Variants in AGBL4 observed in about 807,000 individuals in gnomAD.
The protein encoded by AGBL4 is cytosolic carboxypeptidase 6.
AGBL4 carries 58 observed loss-of-function variants against 66.4 expected under a neutral mutation model. The observed-to-expected ratio is 0.87, with a 90% CI of 0.71 to 1.09. AGBL4 has a LOEUF of 1.09. Among genes scored for constraint, AGBL4 ranks in the 50% least tolerant of loss-of-function variants. AGBL4 has a pLI of 0.00. For synonymous variants in AGBL4, 234 were observed against 222.9 expected, an observed-to-expected ratio of 1.05 and a Z score of -0.44; for missense variants, 579 against 631.0, an observed-to-expected ratio of 0.92 and a Z score of 0.88.
At chr1:48,754,490 A>G (rs1557949541) in intron 6 of AGBL4, among the ~76,000 whole-genome samples, 1 of 152,210 alleles carries the variant, frequency 6.6e-6, no homozygotes, top group Non-Finnish European at 1.5e-5. Context: ...ATACATAGAA[A>G]AACATCTGTA....
chr1:49,947,901 G>A (rs1484207579), intron 1 of AGBL4, among the ~76,000 whole-genome samples: 9 of 94,032 alleles, frequency 9.6e-5, no homozygotes, highest in South Asian at 3.2e-4. Context: ...CACCAACAGC[G>A]ACCAAGCTGA....
chr1:50,014,260 ACT>A (rs1661768044), intron 1 of AGBL4, among the ~76,000 whole-genome samples: 1 of 151,964 alleles, frequency 6.6e-6, no homozygotes, highest in Non-Finnish European at 1.5e-5. Context: ...AGTCCCAGCT[ACT>A]TGGGAGGCTG....
rs1388778544 is a variant in AGBL4, at chr1:50,023,685, TGCCC to T, written c.34+74_34+77del. ...GACCGCCTCCTCAGGAGTAGGACCATGCCCGAGTCCCCTGTTGCCTGAGACCCAG... is the reference window on the plus strand; with the variant it reads ...GACCGCCTCCTCAGGAGTAGGACCATGAGTCCCCTGTTGCCTGAGACCCAG... On this transcript the variant is annotated intron_variant, in intron 1 of 13. Transcript: ENST00000371839. 1.3e-5 allele frequency: 20 copies of T among 1,484,464 alleles called. No individual in the cohort carries two copies. The Admixed American group carries it at 2.0e-4, about 15-fold the overall frequency. 92.0% of individuals were successfully genotyped at this position (1,484,464 alleles called of 1,614,324 possible). A position where few individuals can be genotyped will look rare whatever the true frequency, so the allele number is the denominator to read the frequency against.
intron 1 of AGBL4, among the ~76,000 whole-genome samples, chr1:49,938,107 A>G (rs1478465258): frequency 1.3e-5 from 2 of 150,166 alleles, no homozygotes; most frequent in Admixed American, 6.7e-5. Flanking sequence ...AGCAAGACTA[A>G]TAAAGAAGAA....
intron 4 of AGBL4, among the ~76,000 whole-genome samples, chr1:49,194,088 G>T (rs374075121): frequency 6.6e-6 from 1 of 152,042 alleles, no homozygotes; most frequent in African/African-American, 2.4e-5. Context: ...TGTCTCAATG[G>T]TCTGTTTATT....
intron 4 of AGBL4, among the ~76,000 whole-genome samples, chr1:49,156,288 T>C: frequency 6.6e-6 from 1 of 152,140 alleles, no homozygotes. Context: ...GAGTCAAAGC[T>C]CTGAGAAAGA....
intron 11 of AGBL4, chr1:48,583,948 T>C (rs1211707103): frequency 6.6e-6 from 1 of 151,986 alleles, no homozygotes; most frequent in East Asian, 1.9e-4. Context: ...GCAGTTTGTT[T>C]CCTCTTCTCA....
At chr1:48,866,656 A>G (rs955309939) in intron 6 of AGBL4, among the ~76,000 whole-genome samples, 3 of 152,170 alleles carry the variant, frequency 2.0e-5, no homozygotes, top group African/African-American at 7.2e-5. Context: ...TATAGAGGGG[A>G]AAAAAGACCT....
intron 2 of AGBL4, among the ~76,000 whole-genome samples, chr1:49,832,138 C>T (rs1020681471): frequency 1.5e-4 from 23 of 151,748 alleles, no homozygotes; most frequent in Admixed American, 7.2e-4. Context: ...TAATGCTATC[C>T]CTCCCCCCTT....
chr1:49,544,178 C>T lies in AGBL4; in HGVS notation c.282+153135G>A, dbSNP rs12062300. Among the ~76,000 whole-genome samples the T allele has an allele frequency of 5.9e-5, 9 of 152,234 alleles. No individual in the cohort carries two copies. In the East Asian group the frequency reaches 1.7e-3, roughly 29 times the overall value. On this transcript the variant is annotated intron_variant, in intron 3 of 13. Coordinates refer to ENST00000371839, the MANE Select transcript of AGBL4 (RefSeq NM_032785.4). ...GTGCTCAATGTCCTCCTTACTTGTTCAAAGTAATATAATTCTCTTGTTAAA... is the reference window on the plus strand; with the variant it reads ...GTGCTCAATGTCCTCCTTACTTGTTTAAAGTAATATAATTCTCTTGTTAAA...
chr1:48,731,833 C>G (rs1648187247), intron 6 of AGBL4, among the ~76,000 whole-genome samples: 1 of 152,132 alleles, frequency 6.6e-6, no homozygotes, highest in East Asian at 1.9e-4. Flanking sequence ...TGTTTAGAAG[C>G]TTACCCTTCA....
intron 8 of AGBL4, among the ~76,000 whole-genome samples, chr1:48,639,611 A>G (rs949898191): frequency 1.3e-5 from 2 of 152,220 alleles, no homozygotes; most frequent in African/African-American, 4.8e-5. Context: ...ATTCGAGGAA[A>G]AGTGTTGATA....
intron 1 of AGBL4, among the ~76,000 whole-genome samples, chr1:50,002,288 T>C (rs1475564885): frequency 6.6e-6 from 1 of 150,762 alleles, no homozygotes; most frequent in East Asian, 1.9e-4. Context: ...AAAGATACAA[T>C]ACCCCAGTGT....
At chr1:49,323,770 G>GAAA (rs74260635) in intron 3 of AGBL4, among the ~76,000 whole-genome samples, 1 of 125,080 alleles carries the variant, frequency 8.0e-6, no homozygotes. Flanking sequence ...CCCCGTTTCA[G>GAAA]AAAAAAAAAA....
At chr1:49,725,137 C>T (rs1385499496) in intron 2 of AGBL4, among the ~76,000 whole-genome samples, 2 of 152,116 alleles carry the variant, frequency 1.3e-5, no homozygotes, top group Non-Finnish European at 2.9e-5. Context: ...ATATAATGGA[C>T]TTCATCATGT....
intron 6 of AGBL4, among the ~76,000 whole-genome samples, chr1:48,814,382 G>GAT (rs1238226556): frequency 6.6e-6 from 1 of 151,862 alleles, no homozygotes; most frequent in Non-Finnish European, 1.5e-5. Flanking sequence ...GTGATATTTT[G>GAT]ATATATATAA....
intron 3 of AGBL4, among the ~76,000 whole-genome samples, chr1:49,285,677 G>T (rs1644388000): frequency 6.6e-6 from 1 of 152,134 alleles, no homozygotes; most frequent in African/African-American, 2.4e-5. Flanking sequence ...AATAAAAAAT[G>T]ATAAAGGGGA....
rs574375567 is a variant in AGBL4 at position 49,658,186 on chromosome 1, A to T, written c.282+39127T>A. ...GAAAAAAACAAACAACCCCATCAAA[A>T]AGTGGGTGAAGGATATGAACAGACA... On this transcript the variant is annotated intron_variant, in intron 3 of 13. Coordinates refer to ENST00000371839, the MANE Select transcript of AGBL4 (RefSeq NM_032785.4). 9.5e-4 allele frequency among the ~76,000 whole-genome samples: 144 copies of T among 152,300 alleles called. 1 individual carries two copies. Among genetic ancestry groups the T allele is most frequent in the African/African-American group, 3.4e-3 (140 of 41,566 alleles).
chr1:49,654,546 G>C (rs982112502), intron 3 of AGBL4, among the ~76,000 whole-genome samples: 9 of 152,140 alleles, frequency 5.9e-5, no homozygotes, highest in Non-Finnish European at 1.0e-4. Flanking sequence ...CATTATTATT[G>C]TGTGGGAGTC....
Sources: gnomAD v4.1 joint callset for allele counts (sites outside exome capture counted in the v4.1 genomes callset) on GRCh38, gnomAD v4.1.1 for gene constraint, MANE v1.5 for transcripts, NCBI Gene and HGNC (gene_info 2026-07-23, HGNC 2026-07-21) for gene names.